Variants in PRKAA2 observed in about 807,000 individuals in gnomAD.
PRKAA2 encodes the protein protein kinase AMP-activated catalytic subunit alpha 2.
Under a neutral mutation model 56.3 loss-of-function variants are expected in PRKAA2, and 40 were observed. That is an observed-to-expected ratio of 0.71 (90% CI 0.55 to 0.92). The LOEUF is 0.92. Ranked by LOEUF, PRKAA2 falls within the 40% of genes least tolerant of loss-of-function variation. The pLI is 0.00. For missense variants in PRKAA2, 542 were observed against 686.9 expected (o/e 0.79, Z 2.36); for synonymous variants, 214 against 234.2 (o/e 0.91, Z 0.79).
rs545586244 is a variant in PRKAA2 at position 56,708,906 on chromosome 1, A to G, written c.*1193A>G. The G allele has an allele frequency of 2.0e-5, 3 of 152,182 alleles. No homozygotes were observed. The South Asian group carries it at 6.2e-4, about 32-fold the overall frequency. 9.4% of individuals were successfully genotyped at this position (152,182 alleles called of 1,614,324 possible). A position where few individuals can be genotyped will look rare whatever the true frequency, so the allele number is the denominator to read the frequency against. The stretch of plus-strand genomic sequence containing the variant: ...TAAATAAATAAATATATATATTCAC[A>G]CACCAGTGCTTTTAAGCAAAAACCA... On this transcript the variant is annotated 3_prime_UTR_variant, in exon 9 of 9. Transcript: ENST00000371244.
intron 1 of PRKAA2, among the ~76,000 whole-genome samples, chr1:56,661,287 G>T (rs771760959): frequency 6.6e-6 from 1 of 151,924 alleles, no homozygotes; most frequent in Non-Finnish European, 1.5e-5. Flanking sequence ...ACACATCCAC[G>T]TAACCACCAC....
chr1:56,685,896 T>C (rs184993046), intron 2 of PRKAA2, among the ~76,000 whole-genome samples: 3 of 152,204 alleles, frequency 2.0e-5, no homozygotes, highest in South Asian at 2.1e-4. Flanking sequence ...AATCTTCTGA[T>C]TGGATATTTG....
At chr1:56,703,066 G>A (rs143582964) in intron 6 of PRKAA2, among the ~76,000 whole-genome samples, 390 of 152,254 alleles carry the variant, frequency 2.6e-3, no homozygotes, top group African/African-American at 8.8e-3. Context: ...AAACAATCTC[G>A]AAGGAGTAGT....
chr1:56,692,782 T>A (rs927509257), intron 4 of PRKAA2, among the ~76,000 whole-genome samples: 1 of 147,604 alleles, frequency 6.8e-6, no homozygotes, highest in African/African-American at 2.6e-5. Context: ...GATGCATAAC[T>A]GTTTTTTTGT....
intron 6 of PRKAA2, among the ~76,000 whole-genome samples, chr1:56,696,365 G>C (rs1644259156): frequency 6.6e-6 from 1 of 151,930 alleles, no homozygotes; most frequent in African/African-American, 2.4e-5. Context: ...ACTTTGCCTT[G>C]ATGTCTTTTC....
At chr1:56,686,047 A>G (rs763401226) in intron 2 of PRKAA2, among the ~76,000 whole-genome samples, 3 of 152,226 alleles carry the variant, frequency 2.0e-5, no homozygotes, top group Non-Finnish European at 4.4e-5. Context: ...TCAATGTGAA[A>G]TGATGACTGA....
chr1:56,689,953 A>G (rs1644216535), intron 2 of PRKAA2, among the ~76,000 whole-genome samples: 1 of 151,056 alleles, frequency 6.6e-6, no homozygotes, highest in African/African-American at 2.4e-5. Flanking sequence ...ATTTTTCATG[A>G]TGGGAATTGT....
In PRKAA2 at chr1:56,706,131, C is replaced by T. The variant is rs147304494; in HGVS notation, c.1333C>T (p.Pro445Ser). Residue 445 changes from proline to serine, a missense_variant, in exon 8 of 9, where the codon CCA becomes TCA. Coordinates refer to ENST00000371244, the MANE Select transcript of PRKAA2 (RefSeq NM_006252.4). The stretch of plus-strand genomic sequence containing the variant: ...CCATCTTCGTGTAAGAAGAAAAAAT[C>T]CAGTGACTGGCAATTACGTGAAAAT... ...AYHLRVRRKN[P>S]VTGNYVKMSL... 96 of 1,612,454 alleles carry T rather than the reference C, an allele frequency of 6.0e-5. No individual in the cohort carries two copies. The highest frequency in any genetic ancestry group is 7.3e-5 in the Non-Finnish European group (86 of 1,178,774).
chr1:56,657,314 T>G (rs1643952323), intron 1 of PRKAA2, among the ~76,000 whole-genome samples: 1 of 152,206 alleles, frequency 6.6e-6, no homozygotes, highest in Admixed American at 6.5e-5. Context: ...GGAATTTTTT[T>G]TTACCTTCGA....
intron 6 of PRKAA2, among the ~76,000 whole-genome samples, chr1:56,702,362 C>T (rs1052873386): frequency 1.1e-4 from 16 of 152,168 alleles, no homozygotes; most frequent in Non-Finnish European, 1.8e-4. Context: ...GGATTACAGG[C>T]GTGAGCCACG....
intron 2 of PRKAA2, among the ~76,000 whole-genome samples, chr1:56,690,395 TC>T (rs879861671): frequency 3.3e-5 from 5 of 152,172 alleles, no homozygotes; most frequent in African/African-American, 4.8e-5. Context: ...GGTCTCAATC[TC>T]CTGACCTTGT....
intron 1 of PRKAA2, among the ~76,000 whole-genome samples, chr1:56,659,103 G>T (rs1371066289): frequency 6.6e-6 from 1 of 151,496 alleles, no homozygotes; most frequent in African/African-American, 2.4e-5. Context: ...ATGCTTGGCT[G>T]TAAACTGTAT....
chr1:56,659,649 G>A (rs1339741261), intron 1 of PRKAA2, among the ~76,000 whole-genome samples: 1 of 152,012 alleles, frequency 6.6e-6, no homozygotes, highest in Non-Finnish European at 1.5e-5. Context: ...AAGCAGAGGT[G>A]TCATATCTCA....
chr1:56,705,675 C>T (rs902603060), intron 7 of PRKAA2, among the ~76,000 whole-genome samples: 1 of 152,202 alleles, frequency 6.6e-6, no homozygotes, highest in African/African-American at 2.4e-5. Flanking sequence ...GTTGGAATTA[C>T]AGGCGTGAGC....
At chr1:56,694,608 C>T (rs1644247122) in intron 5 of PRKAA2, among the ~76,000 whole-genome samples, 1 of 151,970 alleles carries the variant, frequency 6.6e-6, no homozygotes, top group Admixed American at 6.6e-5. Context: ...GGTCTGCTTC[C>T]TAATAGACTA....
chr1:56,650,339 CAG>C (rs1483028687), intron 1 of PRKAA2, among the ~76,000 whole-genome samples: 4 of 152,132 alleles, frequency 2.6e-5, no homozygotes, highest in Non-Finnish European at 5.9e-5. Flanking sequence ...TTTTTGGAAA[CAG>C]ATTATATGGG....
In PRKAA2 at chr1:56,708,800, G is replaced by A. The variant is rs1644350443; in HGVS notation, c.*1087G>A. 1 of 152,052 alleles carries A rather than the reference G, an allele frequency of 6.6e-6. No homozygotes were observed. Among genetic ancestry groups the A allele is most frequent in the Non-Finnish European group, 1.5e-5 (1 of 68,010 alleles). 9.4% of individuals were successfully genotyped at this position (152,052 alleles called of 1,614,324 possible). Reference sequence around the variant, plus strand: ...GTCCAAGTTTGAAAACACTGTTCTGGCCCTAAGGGCTGGCTATGACCTTTA... The same window carrying A: ...GTCCAAGTTTGAAAACACTGTTCTGACCCTAAGGGCTGGCTATGACCTTTA... On this transcript the variant is annotated 3_prime_UTR_variant, in exon 9 of 9. Transcript: ENST00000371244.
chr1:56,700,433 A>AT (rs1364489980), intron 6 of PRKAA2, among the ~76,000 whole-genome samples: 1 of 151,832 alleles, frequency 6.6e-6, no homozygotes, highest in Non-Finnish European at 1.5e-5. Flanking sequence ...GGCCCTTTCA[A>AT]TTTTTTCTCA....
intron 1 of PRKAA2, among the ~76,000 whole-genome samples, chr1:56,664,089 C>A (rs1569727043): frequency 6.6e-6 from 1 of 152,210 alleles, no homozygotes; most frequent in South Asian, 2.1e-4. Flanking sequence ...CAGAGTGAGA[C>A]CCTGCCTCAA....
Sources: allele counts gnomAD v4.1 joint callset (sites outside exome capture counted in the v4.1 genomes callset), GRCh38; gene constraint gnomAD v4.1.1; transcripts MANE v1.5; gene names NCBI Gene and HGNC (gene_info 2026-07-23, HGNC 2026-07-21).